Variants in SLC24A2 observed in about 807,000 individuals in gnomAD.
SLC24A2 encodes sodium/potassium/calcium exchanger 2.
In SLC24A2, 36 loss-of-function variants were observed where a neutral mutation model predicts 62.0. The ratio of observed to expected loss-of-function variants is 0.58; its 90% CI spans 0.44 to 0.77. The LOEUF is 0.77. Among genes scored for constraint, SLC24A2 ranks in the 30% least tolerant of loss-of-function variants. The pLI is 0.00. For missense variants in SLC24A2, 846 were observed against 817.9 expected, an observed-to-expected ratio of 1.03 and a Z score of -0.42; for synonymous variants, 358 against 294.0, an observed-to-expected ratio of 1.22 and a Z score of -2.23.
intron 8 of SLC24A2, among the ~76,000 whole-genome samples, chr9:19,534,478 G>C (rs746118237): frequency 1.7e-4 from 26 of 152,032 alleles, no homozygotes; most frequent in Admixed American, 3.3e-4. Flanking sequence ...ACCTACATTA[G>C]ATATTTGTCC....
Position 19,711,172 on chromosome 9 carries a change from T to G in SLC24A2, c.930+74765A>C, listed in dbSNP as rs149497124. Among the ~76,000 whole-genome samples, 678 of 152,310 alleles carry G rather than the reference T, an allele frequency of 4.5e-3. 3 individuals are homozygous for G. Among genetic ancestry groups the G allele is most frequent in the African/African-American group, 0.016 (650 of 41,574 alleles). ...AGGTCAAAACTATTTTCATAACAATTCTAAGATGCTGTTTGCCTTTTTTGC... is the reference window on the plus strand; with the variant it reads ...AGGTCAAAACTATTTTCATAACAATGCTAAGATGCTGTTTGCCTTTTTTGC... On this transcript the variant is annotated intron_variant, in intron 2 of 10. Transcript: ENST00000341998.
At chr9:19,858,369 G>A in the SLC24A2 span, among the ~76,000 whole-genome samples, 1 of 152,070 alleles carries the variant, frequency 6.6e-6, no homozygotes, top group Admixed American at 6.6e-5. Context: ...AAAGATTAAA[G>A]ACCTAAATAT....
At chr9:19,663,718 A>G (rs1328952106) in intron 2 of SLC24A2, among the ~76,000 whole-genome samples, 2 of 152,136 alleles carry the variant, frequency 1.3e-5, no homozygotes, top group African/African-American at 4.8e-5. Flanking sequence ...ACTCTCTGTA[A>G]TGGAGTCTGC....
At chr9:19,697,751 C>T (rs745907700) in intron 2 of SLC24A2, among the ~76,000 whole-genome samples, 7 of 152,224 alleles carry the variant, frequency 4.6e-5, no homozygotes, top group Middle Eastern at 6.8e-3. Flanking sequence ...TCAAAGAAGA[C>T]ACAATTCATA....
At chr9:19,982,395 A>T in the SLC24A2 span, among the ~76,000 whole-genome samples, 1 of 152,208 alleles carries the variant, frequency 6.6e-6, no homozygotes, top group Non-Finnish European at 1.5e-5. Flanking sequence ...AAAGGCCTTG[A>T]ACCTCATAAA....
chr9:19,533,014 C>T (rs1034872288), intron 8 of SLC24A2, among the ~76,000 whole-genome samples: 1 of 152,172 alleles, frequency 6.6e-6, no homozygotes, highest in African/African-American at 2.4e-5. Context: ...GGAAACAAAG[C>T]CATTAATAAA....
intron 5 of SLC24A2, among the ~76,000 whole-genome samples, chr9:19,583,055 A>C (rs1836255515): frequency 6.6e-6 from 1 of 152,044 alleles, no homozygotes; most frequent in South Asian, 2.1e-4. Context: ...CATGGCACTT[A>C]CTTCTCTGCA....
At chr9:19,953,737 C>T in the SLC24A2 span, among the ~76,000 whole-genome samples, 2 of 152,022 alleles carry the variant, frequency 1.3e-5, no homozygotes, top group African/African-American at 4.8e-5. Flanking sequence ...ATGGGATATA[C>T]ACCTGTTAGG....
the SLC24A2 span, among the ~76,000 whole-genome samples, chr9:20,172,376 A>G: frequency 2.0e-5 from 3 of 152,030 alleles, no homozygotes; most frequent in Non-Finnish European, 4.4e-5. Flanking sequence ...AATTGAAACA[A>G]ACAAAAACAA....
chr9:19,572,565 G>A (rs968382556), intron 7 of SLC24A2, among the ~76,000 whole-genome samples: 7 of 152,082 alleles, frequency 4.6e-5, no homozygotes, highest in Non-Finnish European at 1.0e-4. Context: ...AGACATGCTT[G>A]CTTCCCCTTC....
At chr9:20,154,531 T>C in the SLC24A2 span, among the ~76,000 whole-genome samples, 1 of 151,760 alleles carries the variant, frequency 6.6e-6, no homozygotes, top group East Asian at 1.9e-4. Context: ...AAGAAATCCA[T>C]GGGTCTTAGG....
the SLC24A2 span, among the ~76,000 whole-genome samples, chr9:20,269,169 G>T: frequency 1.3e-5 from 2 of 152,044 alleles, no homozygotes; most frequent in South Asian, 2.1e-4. Context: ...TGCAGGAGGG[G>T]GTCTTAGCCG....
intron 2 of SLC24A2, among the ~76,000 whole-genome samples, chr9:19,647,048 C>CCA (rs1305580525): frequency 8.2e-5 from 10 of 121,984 alleles, no homozygotes; most frequent in East Asian, 8.2e-4. Context: ...CTCTCTCTTT[C>CCA]CACACACACA....
At chr9:19,910,227 A>C in the SLC24A2 span, among the ~76,000 whole-genome samples, 1 of 152,118 alleles carries the variant, frequency 6.6e-6, no homozygotes, top group Admixed American at 6.6e-5. Flanking sequence ...CATCGAAGCC[A>C]AAAACCTAGG....
At chr9:19,800,395 C>T in the SLC24A2 span, among the ~76,000 whole-genome samples, 2 of 152,102 alleles carry the variant, frequency 1.3e-5, no homozygotes, top group Non-Finnish European at 2.9e-5. Context: ...TTTCTCTTGC[C>T]TTATCACTTA....
the SLC24A2 span, among the ~76,000 whole-genome samples, chr9:19,998,991 G>A: frequency 2.6e-5 from 4 of 152,226 alleles, no homozygotes; most frequent in African/African-American, 9.7e-5. Flanking sequence ...TGTGTGTGGT[G>A]ATATAGCAGA....
chr9:19,680,311 A>G (rs1041386772), intron 2 of SLC24A2, among the ~76,000 whole-genome samples: 1 of 152,162 alleles, frequency 6.6e-6, no homozygotes, highest in Non-Finnish European at 1.5e-5. Context: ...TAGAACTCAC[A>G]GTCTACGCAA....
chr9:19,806,600 C>G, the SLC24A2 span, among the ~76,000 whole-genome samples: 4 of 152,106 alleles, frequency 2.6e-5, no homozygotes, highest in African/African-American at 9.7e-5. Context: ...ATGAGATCTT[C>G]TGAGCTATCT....
the SLC24A2 span, among the ~76,000 whole-genome samples, chr9:20,304,437 A>G: frequency 6.6e-6 from 1 of 152,264 alleles, no homozygotes; most frequent in Non-Finnish European, 1.5e-5. Context: ...TAAAGTACTT[A>G]AAAATACAGA....
Sources: gnomAD v4.1 joint callset for allele counts (sites outside exome capture counted in the v4.1 genomes callset) on GRCh38, gnomAD v4.1.1 for gene constraint, MANE v1.5 for transcripts, NCBI Gene and HGNC (gene_info 2026-07-23, HGNC 2026-07-21) for gene names.